Variants in DNAJC21 observed in about 807,000 individuals in gnomAD.
DNAJC21 encodes the protein DnaJ heat shock protein family (Hsp40) member C21.
Under a neutral mutation model 72.4 loss-of-function variants are expected in DNAJC21, and 63 were observed. That is an observed-to-expected ratio of 0.87 (90% CI 0.71 to 1.07). The LOEUF (loss-of-function observed/expected upper bound fraction) is 1.07. Ranked by LOEUF, DNAJC21 falls within the 50% of genes least tolerant of loss-of-function variation. The pLI is 0.00. For synonymous variants in DNAJC21, 203 were observed against 216.7 expected, an observed-to-expected ratio of 0.94 and a Z score of 0.56; for missense variants, 634 against 644.8, an observed-to-expected ratio of 0.98 and a Z score of 0.18.
rs1482265738 is a variant in DNAJC21 at position 34,958,306 on chromosome 5, A to G, written c.*3592A>G. Reference sequence around the variant, plus strand: ...GTAGAGGTCAGTCAAGGGATCCCTGACGAGAATAAAGAGCCCAGAAACAGG... The same window carrying G: ...GTAGAGGTCAGTCAAGGGATCCCTGGCGAGAATAAAGAGCCCAGAAACAGG... On this transcript the variant is annotated 3_prime_UTR_variant, in exon 12 of 12. Coordinates refer to ENST00000648817, the MANE Select transcript of DNAJC21 (RefSeq NM_001012339.3). The G allele has an allele frequency of 2.6e-5, 4 of 152,246 alleles. No homozygotes were observed. Among genetic ancestry groups the G allele is most frequent in the Non-Finnish European group, 5.9e-5 (4 of 68,052 alleles). 9.4% of individuals were successfully genotyped at this position (152,246 alleles called of 1,614,324 possible). A position where few individuals can be genotyped will look rare whatever the true frequency, so the allele number is the denominator to read the frequency against.
intron 4 of DNAJC21, among the ~76,000 whole-genome samples, 187 bp from the exon 5 acceptor site, chr5:34,937,139 A>T (rs1379567981): frequency 1.3e-5 from 2 of 152,106 alleles, no homozygotes; most frequent in African/African-American, 4.8e-5. Context: ...TTATTTTCTC[A>T]TTAAGTTTAT....
At chr5:34,948,407 A>T (rs929362430) in intron 9 of DNAJC21, among the ~76,000 whole-genome samples, 3 of 152,222 alleles carry the variant, frequency 2.0e-5, no homozygotes, top group Admixed American at 2.0e-4. Flanking sequence ...CTAGAAACTA[A>T]GGAAGTGCTC....
intron 1 of DNAJC21, chr5:34,930,157 G>C: frequency 6.5e-6 from 2 of 308,464 alleles, no homozygotes; most frequent in Admixed American, 1.0e-4. Flanking sequence ...GCCCCGCATC[G>C]CCACTGTAGG....
chr5:34,935,850 C>T lies in DNAJC21; in HGVS notation c.315+17C>T. The T allele has an allele frequency of 7.4e-6, 12 of 1,613,578 alleles. No homozygotes were observed. The highest frequency in any genetic ancestry group is 1.0e-5 in the Non-Finnish European group (12 of 1,179,686). ...GATGAAAAGGTAAGATAAATGAACT[C>T]ACCCTTGATTTCTCATCAAGTACTT... On this transcript the variant is annotated intron_variant, in intron 3 of 11. Transcript: ENST00000648817.
Position 34,937,321 on chromosome 5 carries a change from A to T in DNAJC21, c.439-5A>T. On this transcript the variant is annotated splice_polypyrimidine_tract_variant and splice_region_variant and intron_variant, in intron 4 of 11. Transcript: ENST00000648817. ...CAGAAGTTAATCTGTTTTCTTTGTC[A>T]CTAGGTAGTCCATCCTTTCTACGCT... is the stretch of plus-strand genomic sequence containing the variant. The T allele has an allele frequency of 6.3e-7, 1 of 1,597,362 alleles. No individual in the cohort carries two copies. The highest frequency in any genetic ancestry group is 8.5e-7 in the Non-Finnish European group (1 of 1,173,188).
At chr5:34,949,476 T>C (rs938503110) in intron 9 of DNAJC21, 10 of 1,546,046 alleles carry the variant, frequency 6.5e-6, no homozygotes, top group African/African-American at 1.4e-5. Flanking sequence ...GTGGGTTGTG[T>C]AACAGATAAT....
intron 2 of DNAJC21, 116 bp from the exon 3 acceptor site, chr5:34,935,594 G>T: frequency 1.5e-6 from 2 of 1,327,872 alleles, no homozygotes; most frequent in Admixed American, 2.1e-5. Flanking sequence ...TTTTGGTTAT[G>T]GATTGGACAT....
chr5:34,943,886 G>A (rs962856725), intron 7 of DNAJC21, among the ~76,000 whole-genome samples: 1 of 152,118 alleles, frequency 6.6e-6, no homozygotes, highest in East Asian at 1.9e-4. Context: ...GAATTGGTTA[G>A]TGAGCATTCC....
Position 34,935,723 on chromosome 5 carries a change from A to G in DNAJC21, c.205A>G (p.Arg69Gly). ...TTTGTTTTTCAGGTATGATAATCAT[A>G]GAGAGGCCCTACTTAAAGGTGGGTT... ...PQERAWYDNHREALLKGGFDG... is the reference protein window; with the variant it reads ...PQERAWYDNHGEALLKGGFDG... The change falls in exon 3 of 12, where the codon AGA (arginine) becomes GGA (glycine). Residue 69 changes from arginine to glycine, a missense_variant. Arg to Gly is a moderately radical substitution (Grantham distance 125). Coordinates refer to ENST00000648817, the MANE Select transcript of DNAJC21 (RefSeq NM_001012339.3). 1.2e-6 allele frequency: 2 copies of G among 1,614,016 alleles called. No individual in the cohort carries two copies. Among genetic ancestry groups the G allele is most frequent in the Non-Finnish European group, 8.5e-7 (1 of 1,179,960 alleles).
intron 10 of DNAJC21, chr5:34,951,245 A>G (rs1472759007): frequency 4.1e-6 from 4 of 985,348 alleles, no homozygotes; most frequent in African/African-American, 1.7e-5. Flanking sequence ...GTTGAAGCCT[A>G]GAAAGGGAAA....
chr5:34,932,989 G>T (rs1411313268), intron 1 of DNAJC21, among the ~76,000 whole-genome samples: 2 of 152,252 alleles, frequency 1.3e-5, no homozygotes, highest in African/African-American at 4.8e-5. Flanking sequence ...GCGGGGTGCT[G>T]TCTTGCAAGC....
chr5:34,952,037 C>CA, intron 10 of DNAJC21: 1 of 985,390 alleles, frequency 1.0e-6, no homozygotes, highest in South Asian at 4.7e-5. Flanking sequence ...CCCCTGGATC[C>CA]AGGGCCTTTA....
intron 7 of DNAJC21, 51 bp downstream of exon 7, chr5:34,941,234 G>A: frequency 6.5e-7 from 1 of 1,535,264 alleles, no homozygotes. Flanking sequence ...GTCTCACTCT[G>A]TCACCAAGGC....
intron 10 of DNAJC21, chr5:34,952,505 C>T (rs930490393): frequency 6.5e-6 from 1 of 154,388 alleles, no homozygotes; most frequent in African/African-American, 2.4e-5. Context: ...ATAACCCATC[C>T]TGTCTGTTCT....
chr5:34,952,121 AAAT>A (rs1765388834), intron 10 of DNAJC21: 1 of 949,276 alleles, frequency 1.1e-6, no homozygotes, highest in Non-Finnish European at 1.2e-6. Flanking sequence ...TTTTTTTAAA[AAAT>A]GTGTGTGTGT....
chr5:34,939,120 ATGT>A lies in DNAJC21; in HGVS notation c.895+115_895+117del, dbSNP rs1764899001. ...TAAATGTGGCAAATAATTAAAAATA[ATGT>A]TGTATGGGCCAAAGGTAGTCGGCTG... On this transcript the variant is annotated intron_variant, in intron 6 of 11. Coordinates refer to ENST00000648817, the MANE Select transcript of DNAJC21 (RefSeq NM_001012339.3). 3.8e-6 allele frequency: 4 copies of A among 1,044,578 alleles called. No homozygotes were observed. In the East Asian group the frequency reaches 7.9e-5, roughly 21 times the overall value. The allele number at this position is 1,044,578 out of a possible 1,614,324, so 64.7% of individuals were successfully genotyped here. A position where few individuals can be genotyped will look rare whatever the true frequency, so the allele number is the denominator to read the frequency against.
Position 34,953,927 on chromosome 5 carries a change from G to A in DNAJC21, c.1360G>A (p.Val454Ile), listed in dbSNP as rs748008883. 6.2e-7 allele frequency: 1 copy of A among 1,607,632 alleles called. No individual in the cohort carries two copies. Residue 454 changes from valine to isoleucine, a missense_variant and splice_region_variant, in exon 11 of 12, where the codon GTT becomes ATT. By Grantham distance (29) the Val-to-Ile change is conservative. Coordinates refer to ENST00000648817, the MANE Select transcript of DNAJC21 (RefSeq NM_001012339.3). ...TATGCTGAATTATTTATTTTCCAGT[G>A]TTCCTAAACCCAAAGGAAAGAAAAC... is the stretch of plus-strand genomic sequence containing the variant. ...CDDPKSEAKS[V>I]PKPKGKKTKD... is the part of the protein sequence containing the mutation.
chr5:34,938,012 G>A (rs921269099), intron 5 of DNAJC21, among the ~76,000 whole-genome samples: 1 of 151,922 alleles, frequency 6.6e-6, no homozygotes, highest in Non-Finnish European at 1.5e-5. Context: ...TGGCCAGTCT[G>A]GTCTCGTACT....
At chr5:34,948,672 T>C (rs151266860) in intron 9 of DNAJC21, among the ~76,000 whole-genome samples, 23 of 152,206 alleles carry the variant, frequency 1.5e-4, no homozygotes, top group South Asian at 4.1e-4. Flanking sequence ...CAAGATCAGC[T>C]TGGCCAACAT....
Sources: allele counts gnomAD v4.1 joint callset (sites outside exome capture counted in the v4.1 genomes callset), GRCh38; gene constraint gnomAD v4.1.1; transcripts MANE v1.5; gene names NCBI Gene and HGNC (gene_info 2026-07-23, HGNC 2026-07-21).